The following ADAMTS4 variants were observed in gnomAD, a reference collection of about 807,000 sequenced individuals.
ADAMTS4 encodes the protein ADAM metallopeptidase with thrombospondin type 1 motif 4, also known as A disintegrin and metalloproteinase with thrombospondin motifs 4.
A neutral mutation model predicts 66.7 loss-of-function variants in ADAMTS4; 38 were observed. That is an observed-to-expected ratio of 0.57 (90% CI 0.44 to 0.75). ADAMTS4 has a LOEUF of 0.75. Among genes scored for constraint, ADAMTS4 ranks in the 30% least tolerant of loss-of-function variants. ADAMTS4 has a pLI of 0.00. For missense variants in ADAMTS4, 1,014 were observed against 1,116.7 expected (o/e 0.91, Z 1.31); for synonymous variants, 418 against 461.5 (o/e 0.91, Z 1.21).
At chr1:161,191,627 T>C in intron 8 of ADAMTS4, 63 bp from the exon 9 acceptor site, 1 of 1,494,370 alleles carries the variant, frequency 6.7e-7, no homozygotes. Context: ...TTCTGAGCTG[T>C]GCTTATGTGA....
At position 161,191,386 on chromosome 1, in the gene ADAMTS4, C is replaced by A. The variant is rs1664675929; in HGVS notation, c.2266G>T (p.Ala756Ser). 6.2e-7 allele frequency: 1 copy of A among 1,613,962 alleles called. No homozygotes were observed. The highest frequency in any genetic ancestry group is 1.3e-5 in the African/African-American group (1 of 74,950). ...PSPTDVVLPG[A>S]VSLRYSGATA... ...GCCCCGCTGTAGCGCAAGCTGACTG[C>A]CCCAGGCAGTACCACATCTGTGGGG... The change falls in exon 9 of 9, where the codon GCA (alanine) becomes TCA (serine). Residue 756 changes from alanine to serine, a missense_variant. Ala to Ser is a moderately conservative substitution (Grantham distance 99, BLOSUM62 1). Transcript: ENST00000367996.
Position 161,185,178 on chromosome 1 carries a change from AAAACTT to A in ADAMTS4, c.*5954_*5959del, listed in dbSNP as rs1356719526. ...CCTGCACATTGTGCACATGTACCCT[AAAACTT>A]AAAGTATAATAATAATAAAATAAAT... On this transcript the variant is annotated 3_prime_UTR_variant, in exon 9 of 9. Coordinates refer to ENST00000367996, the MANE Select transcript of ADAMTS4 (RefSeq NM_005099.6). 1.3e-5 allele frequency: 2 copies of A among 152,076 alleles called. No individual in the cohort carries two copies. Among genetic ancestry groups the A allele is most frequent in the African/African-American group, 4.8e-5 (2 of 41,386 alleles). 9.4% of individuals were successfully genotyped at this position (152,076 alleles called of 1,614,324 possible). A position where few individuals can be genotyped will look rare whatever the true frequency, so the allele number is the denominator to read the frequency against.
In ADAMTS4 at chr1:161,188,883, A is replaced by AACATATATATATATATATATATATATAT. The variant is rs1664595595; in HGVS notation, c.*2254_*2255insATATATATATATATATATATATATATGT. 1.5e-5 allele frequency: 1 copy of AACATATATATATATATATATATATATAT among 68,322 alleles called. No homozygotes were observed. Among genetic ancestry groups the AACATATATATATATATATATATATATAT allele is most frequent in the Admixed American group, 1.8e-4 (1 of 5,444 alleles). The allele number at this position is 68,322 out of a possible 1,614,324, so 4.2% of individuals were successfully genotyped here. A position where few individuals can be genotyped will look rare whatever the true frequency, so the allele number is the denominator to read the frequency against. ...TAGGCACCTGTCACCATGCCCGGCTAATATATATATATATATATATATATA... is the reference window on the plus strand; with the variant it reads ...TAGGCACCTGTCACCATGCCCGGCTAACATATATATATATATATATATATATATATATATATATATATATATATATATA... On this transcript the variant is annotated 3_prime_UTR_variant, in exon 9 of 9. Coordinates refer to ENST00000367996, the MANE Select transcript of ADAMTS4 (RefSeq NM_005099.6).
chr1:161,196,684 T>C lies in ADAMTS4; in HGVS notation c.830A>G (p.Glu277Gly), dbSNP rs757597098. 6.2e-7 allele frequency: 1 copy of C among 1,613,974 alleles called. No individual in the cohort carries two copies. The highest frequency in any genetic ancestry group is 8.5e-7 in the Non-Finnish European group (1 of 1,179,974). The stretch of plus-strand genomic sequence containing the variant: ...AGCACTGGGCCCCACTTGGGGCCCC[T>C]CCTCGCCTGACCCCAGGATCACTAG... ...TRLVILGSGE[E>G]GPQVGPSAAQ... Residue 277 changes from glutamate (E) to glycine (G), a missense_variant, in exon 2 of 9, where the codon GAG (glutamate) becomes GGG (glycine). By Grantham distance (98) the Glu-to-Gly change is moderately conservative. Transcript: ENST00000367996.
At position 161,189,384 on chromosome 1, in the gene ADAMTS4, C is replaced by G. The variant is rs1011942687; in HGVS notation, c.*1754G>C. 2.0e-5 allele frequency: 3 copies of G among 152,124 alleles called. No individual in the cohort carries two copies. Among genetic ancestry groups the G allele is most frequent in the African/African-American group, 7.2e-5 (3 of 41,404 alleles). 9.4% of individuals were successfully genotyped at this position (152,124 alleles called of 1,614,324 possible). ...CTTTCTACTGTTGTGAAACCCAGAC[C>G]CCTCAACTATCACCCTTATTACTAA... On this transcript the variant is annotated 3_prime_UTR_variant, in exon 9 of 9. Coordinates refer to ENST00000367996, the MANE Select transcript of ADAMTS4 (RefSeq NM_005099.6).
Position 161,194,056 on chromosome 1 carries a change from A to C in ADAMTS4, c.1427T>G (p.Leu476Arg). 2 of 1,614,116 alleles carry C rather than the reference A, an allele frequency of 1.2e-6. No homozygotes were observed. The highest frequency in any genetic ancestry group is 1.7e-6 in the Non-Finnish European group (2 of 1,180,022). The change falls in exon 5 of 9, where the codon CTC (leucine) becomes CGC (arginine). Residue 476 changes from leucine to arginine, a missense_variant. By Grantham distance (102) the Leu-to-Arg change is moderately radical (BLOSUM62 -2). Transcript: ENST00000367996. This position sits in a 1 kb window ranked among gnomAD's most constrained non-coding sequence, Gnocchi z 4.1. The part of the protein sequence containing the change: ...PCAALWCSGH[L>R]NGHAMCQTKH... ...GGTCTGGCACATGGCATGGCCATTG[A>C]GGTGGCCAGAGCACCAGAGGGCAGC...
chr1:161,193,383 T>A lies in ADAMTS4; in HGVS notation c.1741A>T (p.Thr581Ser). 4 of 1,613,296 alleles carry A rather than the reference T, an allele frequency of 2.5e-6. No individual in the cohort carries two copies. Among genetic ancestry groups the A allele is most frequent in the Non-Finnish European group, 3.4e-6 (4 of 1,179,710 alleles). ...GCAGCACACTGCTCCTCGCGGAAGG[T>A]CAGGGCTGGAGGGGTAAAACAGTCA... is the stretch of plus-strand genomic sequence containing the variant. ...TEDCPTGSAL[T>S]FREEQCAAYN... is the part of the protein sequence containing the mutation. The change falls in exon 7 of 9, where the codon ACC (threonine) becomes TCC (serine). Residue 581 changes from threonine (T) to serine (S), a missense_variant. By Grantham distance (58) the Thr-to-Ser change is moderately conservative. Coordinates refer to ENST00000367996, the MANE Select transcript of ADAMTS4 (RefSeq NM_005099.6). The surrounding 1 kb of genome is among the most constrained non-coding windows in gnomAD (Gnocchi z 4.4).
At position 161,194,104 on chromosome 1, in the gene ADAMTS4, C is replaced by T; in HGVS notation, c.1379G>A (p.Cys460Tyr). The change falls in exon 5 of 9, where the codon TGT becomes TAT. Residue 460 changes from cysteine (C) to tyrosine (Y), a missense_variant. By Grantham distance (194) the Cys-to-Tyr change is radical (BLOSUM62 -2). Coordinates refer to ENST00000367996, the MANE Select transcript of ADAMTS4 (RefSeq NM_005099.6). The surrounding 1 kb of genome is among the most constrained non-coding windows in gnomAD (Gnocchi z 4.1). ...AGCACAGGGCGGCGGCAGCTGTGGA[C>T]AATGGCGTGAGTCGGGCCCGAAGGT... ...QLTFGPDSRHCPQLPPPCAAL... is the reference protein window; with the variant it reads ...QLTFGPDSRHYPQLPPPCAAL... 6.2e-7 allele frequency: 1 copy of T among 1,614,232 alleles called. No homozygotes were observed. The highest frequency in any genetic ancestry group is 8.5e-7 in the Non-Finnish European group (1 of 1,180,038).
intron 2 of ADAMTS4, 102 bp from the exon 3 acceptor site, chr1:161,196,405 C>T: frequency 6.6e-7 from 1 of 1,519,350 alleles, no homozygotes; most frequent in South Asian, 1.3e-5. Flanking sequence ...GGACCCAGCA[C>T]TGTCAGGGCC....
chr1:161,197,006 C>G (rs776558976), intron 1 of ADAMTS4, 126 bp from the exon 2 acceptor site: 2 of 901,750 alleles, frequency 2.2e-6, no homozygotes, highest in Non-Finnish European at 1.7e-6. Context: ...ACACACCCCA[C>G]GGGATTCCTG....
In ADAMTS4 at chr1:161,193,440, C is replaced by T. The variant is rs755881337; in HGVS notation, c.1736-52G>A. 8.8e-6 allele frequency: 14 copies of T among 1,586,244 alleles called. No individual in the cohort carries two copies. Among genetic ancestry groups the T allele is most frequent in the South Asian group, 1.1e-5 (1 of 87,860 alleles). On this transcript the variant is annotated intron_variant, in intron 6 of 8. Coordinates refer to ENST00000367996, the MANE Select transcript of ADAMTS4 (RefSeq NM_005099.6). The surrounding 1 kb of genome is among the most constrained non-coding windows in gnomAD (Gnocchi z 4.4). ...CTCCTTCCTTCCTCACATCACCCCA[C>T]ATCCCTCCACCCAACCCCTGAGAAC...
chr1:161,191,885 TCA>T (rs1023445293), intron 8 of ADAMTS4, among the ~76,000 whole-genome samples, 178 bp downstream of exon 8: 2 of 152,170 alleles, frequency 1.3e-5, no homozygotes, highest in African/African-American at 4.8e-5. Flanking sequence ...ACAAGGGCAC[TCA>T]CAACACCCTG....
At position 161,191,951 on chromosome 1, in the gene ADAMTS4, A is replaced by G. The variant is rs1664693745; in HGVS notation, c.2087+114T>C. 4.7e-6 allele frequency: 6 copies of G among 1,286,582 alleles called. No homozygotes were observed. The South Asian group carries it at 5.5e-5, about 12-fold the overall frequency. 79.7% of individuals were successfully genotyped at this position (1,286,582 alleles called of 1,614,324 possible). On this transcript the variant is annotated intron_variant, in intron 8 of 8. Transcript: ENST00000367996. ...CCGCACTGTAGCTGCCTACTCGTCTATCTCCCGCTAGACTGTGAGCTCTTT... is the reference window on the plus strand; with the variant it reads ...CCGCACTGTAGCTGCCTACTCGTCTGTCTCCCGCTAGACTGTGAGCTCTTT...
rs754163569 is a variant in ADAMTS4, at chr1:161,191,557, A to G, written c.2095T>C (p.Tyr699His). 14 of 1,607,912 alleles carry G rather than the reference A, an allele frequency of 8.7e-6. No homozygotes were observed. The highest frequency in any genetic ancestry group is 3.4e-6 in the Non-Finnish European group (4 of 1,176,122). ...SGSFRKFRYG[Y>H]NNVVTIPAGA... The stretch of plus-strand genomic sequence containing the variant: ...GCGGGGATAGTGACCACATTGTTGT[A>G]TCCGTACCTGTGTGGAAGGAGTAGA... The change falls in exon 9 of 9, where the codon TAC becomes CAC. Residue 699 changes from tyrosine to histidine, a missense_variant. Transcript: ENST00000367996.
intron 4 of ADAMTS4, among the ~76,000 whole-genome samples, chr1:161,195,249 A>G (rs1664782300): frequency 1.3e-5 from 2 of 152,198 alleles, no homozygotes; most frequent in Admixed American, 1.3e-4. Flanking sequence ...TTCTAATTCT[A>G]CTGAGCCAAA....
rs1664741549 is a variant in ADAMTS4 at position 161,193,775 on chromosome 1, G to A, written c.1600C>T (p.Arg534Trp). 5.0e-6 allele frequency: 8 copies of A among 1,613,500 alleles called. No individual in the cohort carries two copies. The South Asian group carries it at 5.5e-5, about 11-fold the overall frequency. The change falls in exon 6 of 9, where the codon CGG (arginine) becomes TGG (tryptophan). Residue 534 changes from arginine to tryptophan, a missense_variant. By Grantham distance (101) the Arg-to-Trp change is moderately radical. Coordinates refer to ENST00000367996, the MANE Select transcript of ADAMTS4 (RefSeq NM_005099.6). The surrounding 1 kb of genome is among the most constrained non-coding windows in gnomAD (Gnocchi z 4.4). ...AACTGGACACCACCCCCACAGGTCC[G>A]AGAGCAGTCACCCCATGGTCCCCAA... Reference protein sequence around the residue: ...GPWGPWGDCSRTCGGGVQFSS... With the variant: ...GPWGPWGDCSWTCGGGVQFSS...
In ADAMTS4 at chr1:161,184,888, G is replaced by T. The variant is rs1360164631; in HGVS notation, c.*6250C>A. Reference sequence around the variant, plus strand: ...TACAAAAAATTAGCTGGGCATGGTGGTGCATACCTGTAATCCCAGCTACTT... The same window carrying T: ...TACAAAAAATTAGCTGGGCATGGTGTTGCATACCTGTAATCCCAGCTACTT... On this transcript the variant is annotated 3_prime_UTR_variant, in exon 9 of 9. Coordinates refer to ENST00000367996, the MANE Select transcript of ADAMTS4 (RefSeq NM_005099.6). The T allele has an allele frequency of 1.3e-5, 2 of 152,088 alleles. No individual in the cohort carries two copies. Among genetic ancestry groups the T allele is most frequent in the South Asian group, 2.1e-4 (1 of 4,828 alleles). The allele number at this position is 152,088 out of a possible 1,614,324, so 9.4% of individuals were successfully genotyped here. A position where few individuals can be genotyped will look rare whatever the true frequency, so the allele number is the denominator to read the frequency against.
Position 161,186,448 on chromosome 1 carries a change from C to A in ADAMTS4, c.*4690G>T. 6.6e-6 allele frequency: 1 copy of A among 152,338 alleles called. No homozygotes were observed. The allele number at this position is 152,338 out of a possible 1,614,324, so 9.4% of individuals were successfully genotyped here. Reference sequence around the variant, plus strand: ...TTCACTCTAGCTCCTGCTTACTTACCCAATCACAGAGGTGGCCCCTAAGCT... The same window carrying A: ...TTCACTCTAGCTCCTGCTTACTTACACAATCACAGAGGTGGCCCCTAAGCT... On this transcript the variant is annotated 3_prime_UTR_variant, in exon 9 of 9. Coordinates refer to ENST00000367996, the MANE Select transcript of ADAMTS4 (RefSeq NM_005099.6).
Position 161,198,182 on chromosome 1 carries a change from A to G in ADAMTS4, c.446T>C (p.Leu149Pro), listed in dbSNP as rs562873566. ...VASLHWDGGA[L>P]LGVLQYRGAE... is the part of the protein sequence containing the mutation. ...CCCCCGATATTGTAACACGCCTAAC[A>G]GGGCTCCCCCATCCCAGTGCAGAGA... Residue 149 changes from leucine to proline, a missense_variant, in exon 1 of 9, where the codon CTG (leucine) becomes CCG (proline). Physicochemically the swap from Leu to Pro is moderately conservative, Grantham distance 98. Coordinates refer to ENST00000367996, the MANE Select transcript of ADAMTS4 (RefSeq NM_005099.6). The surrounding 1 kb of genome is among the most constrained non-coding windows in gnomAD (Gnocchi z 4.7). 6.2e-7 allele frequency: 1 copy of G among 1,614,068 alleles called. No homozygotes were observed. The highest frequency in any genetic ancestry group is 8.5e-7 in the Non-Finnish European group (1 of 1,179,992).
Sources: allele counts gnomAD v4.1 joint callset (sites outside exome capture counted in the v4.1 genomes callset), GRCh38; gene constraint gnomAD v4.1.1; non-coding constraint Gnocchi (gnomAD v3.1); transcripts MANE v1.5; gene names NCBI Gene and HGNC (gene_info 2026-07-23, HGNC 2026-07-21).